SLC30A6: variants seen among roughly 807,000 people sequenced by gnomAD.
The protein encoded by SLC30A6 is solute carrier family 30 member 6.
A neutral mutation model predicts 63.0 loss-of-function variants in SLC30A6; 55 were observed. The observed-to-expected ratio is 0.87, with a 90% CI of 0.70 to 1.09. The LOEUF (loss-of-function observed/expected upper bound fraction) is 1.09. Among genes scored for constraint, SLC30A6 ranks in the 50% least tolerant of loss-of-function variants. The probability of loss-of-function intolerance (pLI) is 0.00; values close to 1 mark genes in which losing one functional copy is unlikely to be tolerated. For missense variants in SLC30A6, 587 were observed against 549.2 expected (o/e 1.07, Z -0.69); for synonymous variants, 224 against 186.1 (o/e 1.20, Z -1.66).
chr2:32,188,117 G>A (rs535448529), intron 5 of SLC30A6, among the ~76,000 whole-genome samples: 17 of 152,120 alleles, frequency 1.1e-4, no homozygotes, highest in Admixed American at 6.5e-4. Context: ...GGCCTCTATA[G>A]GATACTGACT....
At position 32,222,994 on chromosome 2, in the gene SLC30A6, C is replaced by T. The variant is rs1190683123; in HGVS notation, c.*2281C>T. On this transcript the variant is annotated 3_prime_UTR_variant, in exon 14 of 14. Transcript: ENST00000282587. ...AGAGGCAACACCTGTGCATCTGTCC[C>T]ACCAAAGGTGCTTTAATACCTACCT... The T allele has an allele frequency of 2.6e-5, 4 of 152,218 alleles. No individual in the cohort carries two copies. The highest frequency in any genetic ancestry group is 6.5e-5 in the Admixed American group (1 of 15,276). The allele number at this position is 152,218 out of a possible 1,614,324, so 9.4% of individuals were successfully genotyped here.
rs577871297 is a variant in SLC30A6, at chr2:32,171,997, G to T, written c.90+624G>T. On this transcript the variant is annotated intron_variant, in intron 2 of 13. Coordinates refer to ENST00000282587, the MANE Select transcript of SLC30A6 (RefSeq NM_017964.5). ...GCGTGAACCACCGTGCCTGGCCCATGTTTTCTCATTTTTAATGTAGGGCAA... is the reference window on the plus strand; with the variant it reads ...GCGTGAACCACCGTGCCTGGCCCATTTTTTCTCATTTTTAATGTAGGGCAA... 4.1e-3 allele frequency among the ~76,000 whole-genome samples: 628 copies of T among 152,148 alleles called. 2 individuals carry two copies. Among genetic ancestry groups the T allele is most frequent in the Non-Finnish European group, 5.9e-3 (404 of 67,982 alleles).
chr2:32,204,497 C>A (rs1684569164), intron 10 of SLC30A6, 93 bp from the exon 11 acceptor site: 3 of 727,498 alleles, frequency 4.1e-6, no homozygotes, highest in South Asian at 3.9e-5. Context: ...TTGCTCAGTC[C>A]TGTTGCTTTA....
At chr2:32,187,434 A>G (rs116191283) in intron 5 of SLC30A6, 13 of 347,196 alleles carry the variant, frequency 3.7e-5, no homozygotes, top group Admixed American at 7.4e-5. Flanking sequence ...GTTACTGTGG[A>G]TAGAAGACAA....
chr2:32,184,169 C>T (rs1682600305), intron 4 of SLC30A6, 104 bp from the exon 5 acceptor site: 5 of 437,624 alleles, frequency 1.1e-5, no homozygotes, highest in Middle Eastern at 1.3e-3. Context: ...TTAGTCTGTG[C>T]AAACACAGAT....
At chr2:32,216,585 T>TAAATAAA (rs1558430255) in intron 13 of SLC30A6, among the ~76,000 whole-genome samples, 3 of 143,220 alleles carry the variant, frequency 2.1e-5, no homozygotes. Context: ...AAATAAATAA[T>TAAATAAA]AATAATGATA....
intron 4 of SLC30A6, among the ~76,000 whole-genome samples, chr2:32,179,748 C>T (rs568342917): frequency 6.6e-6 from 1 of 152,186 alleles, no homozygotes; most frequent in South Asian, 2.1e-4. Flanking sequence ...AGAATACGTA[C>T]ATGTATACAC....
rs528252022 is a variant in SLC30A6 at position 32,199,514 on chromosome 2, A to G, written c.665+1688A>G. ...CAGTGCATAATAATCACATCAGGGT[A>G]AATGGGGTATCCATCACCTCAAGGA... On this transcript the variant is annotated intron_variant, in intron 10 of 13. Coordinates refer to ENST00000282587, the MANE Select transcript of SLC30A6 (RefSeq NM_017964.5). Among the ~76,000 whole-genome samples, 5 of 152,344 alleles carry G rather than the reference A, an allele frequency of 3.3e-5. No individual in the cohort carries two copies. The South Asian group carries it at 1.0e-3, about 32-fold the overall frequency.
intron 13 of SLC30A6, among the ~76,000 whole-genome samples, chr2:32,219,876 C>G (rs1161860077): frequency 6.6e-6 from 1 of 152,224 alleles, no homozygotes; most frequent in African/African-American, 2.4e-5. Flanking sequence ...ATGCCATCTT[C>G]TTTTGAAGTC....
intron 4 of SLC30A6, among the ~76,000 whole-genome samples, chr2:32,175,812 C>A (rs961242991): frequency 6.6e-6 from 1 of 152,010 alleles, no homozygotes; most frequent in African/African-American, 2.4e-5. Context: ...CCCGTCTCTA[C>A]TAAAAATACA....
rs1573351565 is a variant in SLC30A6, at chr2:32,197,280, A to G, written c.497-64A>G. 3 of 1,428,896 alleles carry G rather than the reference A, an allele frequency of 2.1e-6. No homozygotes were observed. In the East Asian group the frequency reaches 7.4e-5, roughly 35 times the overall value. The allele number at this position is 1,428,896 out of a possible 1,614,324, so 88.5% of individuals were successfully genotyped here. A position where few individuals can be genotyped will look rare whatever the true frequency, so the allele number is the denominator to read the frequency against. On this transcript the variant is annotated intron_variant, in intron 8 of 13. Coordinates refer to ENST00000282587, the MANE Select transcript of SLC30A6 (RefSeq NM_017964.5). ...TTTATTTTTTAAAATTAAAGAACTCAAATATTTCAGGTAGTGGTTTTTTTT... is the reference window on the plus strand; with the variant it reads ...TTTATTTTTTAAAATTAAAGAACTCGAATATTTCAGGTAGTGGTTTTTTTT...
intron 1 of SLC30A6, among the ~76,000 whole-genome samples, chr2:32,168,598 G>A (rs867830350): frequency 3.9e-5 from 6 of 152,058 alleles, no homozygotes; most frequent in South Asian, 2.1e-4. Context: ...AATGATCTAG[G>A]AAGACTTCAT....
intron 4 of SLC30A6, among the ~76,000 whole-genome samples, chr2:32,184,049 C>T (rs1002273510): frequency 1.3e-5 from 2 of 152,092 alleles, no homozygotes; most frequent in South Asian, 2.1e-4. Context: ...TGTTCCTTCA[C>T]ATGTTAAAAT....
At position 32,197,795 on chromosome 2, in the gene SLC30A6, C is replaced by G. The variant is rs765730412; in HGVS notation, c.634C>G (p.Leu212Val). 14 of 1,613,868 alleles carry G rather than the reference C, an allele frequency of 8.7e-6. No individual in the cohort carries two copies. Among genetic ancestry groups the G allele is most frequent in the Non-Finnish European group, 1.2e-5 (14 of 1,179,992 alleles). Residue 212 changes from leucine to valine, a missense_variant, in exon 10 of 14, where the codon CTT (leucine) becomes GTT (valine). Physicochemically the swap from Leu to Val is conservative, Grantham distance 32. Coordinates refer to ENST00000282587, the MANE Select transcript of SLC30A6 (RefSeq NM_017964.5). ...GATTGATCTTGCTGGAGCATTTGCT[C>G]TTTGTATTACATATATGCTCATTGA... is the stretch of plus-strand genomic sequence containing the variant. ...VLIDLAGAFALCITYMLIEIN... is the reference protein window; with the variant it reads ...VLIDLAGAFAVCITYMLIEIN...
intron 2 of SLC30A6, among the ~76,000 whole-genome samples, chr2:32,172,476 G>A (rs1337327233): frequency 6.6e-6 from 1 of 151,868 alleles, no homozygotes; most frequent in Non-Finnish European, 1.5e-5. Flanking sequence ...AGCCTCTTGA[G>A]TAGCTGGGAT....
intron 5 of SLC30A6, among the ~76,000 whole-genome samples, chr2:32,191,519 C>T (rs1683316908): frequency 6.6e-6 from 1 of 152,088 alleles, no homozygotes; most frequent in Admixed American, 6.6e-5. Context: ...ACTAAAACAA[C>T]AGTTCCTGGC....
chr2:32,207,683 AACTT>A (rs922432386), intron 12 of SLC30A6, among the ~76,000 whole-genome samples: 1 of 122,386 alleles, frequency 8.2e-6, no homozygotes, highest in African/African-American at 3.2e-5. Context: ...CCGCCCAACT[AACTT>A]CTGTATTTTT....
At chr2:32,184,389 AT>A in intron 5 of SLC30A6, 51 bp downstream of exon 5, 1 of 1,044,426 alleles carries the variant, frequency 9.6e-7, no homozygotes, top group South Asian at 2.0e-5. Flanking sequence ...CTAAAATATT[AT>A]TTATAGTAGA....
chr2:32,180,208 C>G (rs1336727182), intron 4 of SLC30A6, among the ~76,000 whole-genome samples: 1 of 152,020 alleles, frequency 6.6e-6, no homozygotes, highest in East Asian at 1.9e-4. Flanking sequence ...TCAAGACCAG[C>G]CTGGGCAATA....
Sources: gnomAD v4.1 joint callset for allele counts (sites outside exome capture counted in the v4.1 genomes callset) on GRCh38, gnomAD v4.1.1 for gene constraint, MANE v1.5 for transcripts, NCBI Gene and HGNC (gene_info 2026-07-23, HGNC 2026-07-21) for gene names.